The following CPQ variants were observed in gnomAD, a reference collection of about 807,000 sequenced individuals.
CPQ encodes carboxypeptidase Q.
In CPQ, 37 loss-of-function variants were observed where a neutral mutation model predicts 45.7. That is an observed-to-expected ratio of 0.81 (90% confidence interval 0.62 to 1.07). CPQ has a LOEUF of 1.07. Among genes scored for constraint, CPQ ranks in the 50% least tolerant of loss-of-function variants. The probability of loss-of-function intolerance (pLI) is 0.00; values close to 1 mark genes in which losing one functional copy is unlikely to be tolerated. For synonymous variants in CPQ, 186 were observed against 205.8 expected, an observed-to-expected ratio of 0.90 and a Z score of 0.82; for missense variants, 537 against 572.9, an observed-to-expected ratio of 0.94 and a Z score of 0.64.
chr8:96,793,896 C>A (rs934339064), intron 2 of CPQ, among the ~76,000 whole-genome samples: 1 of 152,216 alleles, frequency 6.6e-6, no homozygotes, highest in Non-Finnish European at 1.5e-5. Flanking sequence ...AAATGATCTC[C>A]TTTAACTCCA....
intron 7 of CPQ, among the ~76,000 whole-genome samples, chr8:97,103,881 C>T (rs1333786172): frequency 6.6e-6 from 1 of 152,180 alleles, no homozygotes; most frequent in African/African-American, 2.4e-5. Context: ...ATCCCTGGCA[C>T]ATTATCTTCC....
intron 4 of CPQ, among the ~76,000 whole-genome samples, chr8:96,880,576 T>C (rs112617030): frequency 0.067 from 5,559 of 82,518 alleles, 531 homozygotes; most frequent in African/African-American, 0.17. Context: ...TATATATATA[T>C]ACCATGGAAT....
intron 1 of CPQ, among the ~76,000 whole-genome samples, chr8:96,766,759 C>G (rs1401165848): frequency 2.0e-5 from 3 of 152,180 alleles, no homozygotes; most frequent in Non-Finnish European, 4.4e-5. Flanking sequence ...TGGCCAGGCA[C>G]TAACAGCTGT....
chr8:97,071,747 C>T (rs1469643051), intron 7 of CPQ, among the ~76,000 whole-genome samples: 1 of 152,164 alleles, frequency 6.6e-6, no homozygotes, highest in East Asian at 1.9e-4. Flanking sequence ...AAACAGAAGA[C>T]CCAGTCAGAA....
intron 4 of CPQ, among the ~76,000 whole-genome samples, chr8:96,905,698 C>T (rs889485010): frequency 2.2e-5 from 3 of 139,204 alleles, no homozygotes; most frequent in Non-Finnish European, 4.6e-5. Flanking sequence ...GTTTCTTTGA[C>T]TTTGTTTTCC....
intron 2 of CPQ, among the ~76,000 whole-genome samples, chr8:96,792,791 C>G (rs1810866989): frequency 6.6e-6 from 1 of 152,096 alleles, no homozygotes; most frequent in Non-Finnish European, 1.5e-5. Flanking sequence ...TTGTATTAGT[C>G]TGTTCTCATG....
At chr8:96,837,307 C>T (rs536636161) in intron 3 of CPQ, among the ~76,000 whole-genome samples, 3 of 152,184 alleles carry the variant, frequency 2.0e-5, no homozygotes, top group Non-Finnish European at 4.4e-5. Context: ...GCTCTTCAGA[C>T]TATTATAGCC....
intron 4 of CPQ, among the ~76,000 whole-genome samples, chr8:96,942,548 G>A (rs982226670): frequency 6.6e-6 from 1 of 152,086 alleles, no homozygotes; most frequent in African/African-American, 2.4e-5. Context: ...ACAACCTATG[G>A]CTCCTCTAGC....
chr8:96,724,831 G>A (rs12549901), intron 1 of CPQ, among the ~76,000 whole-genome samples: 6,429 of 152,226 alleles, frequency 0.042, 178 homozygotes, highest in Middle Eastern at 0.1. Flanking sequence ...TGAAGCTAGA[G>A]GCATCACATT....
chr8:96,912,452 A>T (rs1812677522), intron 4 of CPQ, among the ~76,000 whole-genome samples: 1 of 152,198 alleles, frequency 6.6e-6, no homozygotes, highest in Admixed American at 6.5e-5. Flanking sequence ...GTCAGAAAAA[A>T]AGTCTCAAAG....
At chr8:96,824,624 A>C (rs962547274) in intron 2 of CPQ, among the ~76,000 whole-genome samples, 2 of 152,008 alleles carry the variant, frequency 1.3e-5, no homozygotes, top group South Asian at 4.1e-4. Context: ...GGGGATTACA[A>C]ATGGTCCACA....
chr8:97,057,116 C>A (rs1421897353), intron 6 of CPQ, among the ~76,000 whole-genome samples: 7 of 152,128 alleles, frequency 4.6e-5, no homozygotes, highest in Non-Finnish European at 1.5e-5. Context: ...AAAGGAGGCT[C>A]TGTTAATTAA....
At chr8:96,994,592 G>A (rs1809147045) in intron 5 of CPQ, among the ~76,000 whole-genome samples, 1 of 152,076 alleles carries the variant, frequency 6.6e-6, no homozygotes, top group Admixed American at 6.6e-5. Context: ...TAGTTCTCAT[G>A]CTTCCAATCC....
chr8:96,793,720 T>A (rs546879258), intron 2 of CPQ, among the ~76,000 whole-genome samples: 1 of 152,192 alleles, frequency 6.6e-6, no homozygotes, highest in Non-Finnish European at 1.5e-5. Context: ...TGTCCACTTA[T>A]AAGCCTGCAA....
rs1313729904 is a variant in CPQ, at chr8:97,029,491, C to G, written c.1050C>G (p.His350Gln). ...GTGCCTTCCAGTATTATCAGTTACA[C>G]AAGGTAAAAACCCAGCTGTGGATTG... is the stretch of plus-strand genomic sequence containing the variant. ...GVGAFQYYQL[H>Q]KVNISNYSLV... The change falls in exon 6 of 8, where the codon CAC becomes CAG. Residue 350 changes from histidine (H) to glutamine (Q), a missense_variant. Transcript: ENST00000220763. The G allele has an allele frequency of 1.7e-5, 28 of 1,601,764 alleles. No individual in the cohort carries two copies. The highest frequency in any genetic ancestry group is 2.3e-5 in the Non-Finnish European group (27 of 1,173,236).
chr8:96,747,306 A>AC (rs2130783406), intron 1 of CPQ, among the ~76,000 whole-genome samples: 1 of 151,946 alleles, frequency 6.6e-6, no homozygotes, highest in Non-Finnish European at 1.5e-5. Flanking sequence ...AAAAAAAAAA[A>AC]AACACTGTTT....
chr8:97,013,782 A>G (rs1809531939), intron 5 of CPQ, among the ~76,000 whole-genome samples: 1 of 152,220 alleles, frequency 6.6e-6, no homozygotes, highest in South Asian at 2.1e-4. Flanking sequence ...CTTGAATGCT[A>G]TACTAAAGAG....
intron 7 of CPQ, among the ~76,000 whole-genome samples, chr8:97,067,647 A>G (rs1268561776): frequency 6.6e-6 from 1 of 152,262 alleles, no homozygotes; most frequent in African/African-American, 2.4e-5. Context: ...TTTAAGGTTT[A>G]TAATAATCTT....
At chr8:96,825,258 G>A (rs934167965) in intron 2 of CPQ, among the ~76,000 whole-genome samples, 2 of 152,040 alleles carry the variant, frequency 1.3e-5, no homozygotes, top group Admixed American at 1.3e-4. Flanking sequence ...TTTGCAGTGG[G>A]AACTTCTGGA....
Sources: allele counts gnomAD v4.1 joint callset (sites outside exome capture counted in the v4.1 genomes callset), GRCh38; gene constraint gnomAD v4.1.1; transcripts MANE v1.5; gene names NCBI Gene and HGNC (gene_info 2026-07-23, HGNC 2026-07-21).